The following ADGRB3 variants were observed in gnomAD, a reference collection of about 807,000 sequenced individuals.
ADGRB3 encodes adhesion G protein-coupled receptor B3.
Under a neutral mutation model 193.4 loss-of-function variants are expected in ADGRB3, and 37 were observed. The observed-to-expected ratio is 0.19, with a 90% CI of 0.15 to 0.25. ADGRB3 has a LOEUF of 0.25. Ranked by LOEUF, ADGRB3 falls within the 10% of genes least tolerant of loss-of-function variation. The pLI is 1.00. For synonymous variants in ADGRB3, 690 were observed against 644.2 expected, an observed-to-expected ratio of 1.07 and a Z score of -1.08; for missense variants, 1,637 against 1,852.9, an observed-to-expected ratio of 0.88 and a Z score of 2.14.
At chr6:69,307,167 A>T (rs1056723251) in intron 20 of ADGRB3, among the ~76,000 whole-genome samples, 1 of 151,380 alleles carries the variant, frequency 6.6e-6, no homozygotes, top group African/African-American at 2.4e-5. Flanking sequence ...TTGCATTCTC[A>T]GTAACTGCTC....
At chr6:68,654,388 A>G (rs978451493) in intron 3 of ADGRB3, among the ~76,000 whole-genome samples, 4 of 152,144 alleles carry the variant, frequency 2.6e-5, no homozygotes, top group Admixed American at 2.0e-4. Context: ...AGTTTGGATT[A>G]TGATATGCTC....
chr6:69,281,426 T>C (rs556635994), intron 20 of ADGRB3, among the ~76,000 whole-genome samples: 1 of 152,224 alleles, frequency 6.6e-6, no homozygotes, highest in African/African-American at 2.4e-5. Context: ...TGAGAGACCC[T>C]TAAACAATTT....
At chr6:68,832,555 T>C (rs1767975943) in intron 3 of ADGRB3, among the ~76,000 whole-genome samples, 1 of 152,192 alleles carries the variant, frequency 6.6e-6, no homozygotes, top group South Asian at 2.1e-4. Flanking sequence ...CGTTACTGCC[T>C]TAATTATAAC....
intron 17 of ADGRB3, among the ~76,000 whole-genome samples, chr6:69,229,382 G>A (rs1473470821): frequency 1.3e-5 from 2 of 152,048 alleles, no homozygotes; most frequent in Non-Finnish European, 2.9e-5. Flanking sequence ...GATTTGGAAA[G>A]CAATTACTTT....
chr6:69,097,376 T>A (rs941076559), intron 17 of ADGRB3, among the ~76,000 whole-genome samples: 1 of 152,198 alleles, frequency 6.6e-6, no homozygotes, highest in Non-Finnish European at 1.5e-5. Context: ...ATGAATTAAT[T>A]AACTTTTGCT....
intron 13 of ADGRB3, among the ~76,000 whole-genome samples, chr6:69,028,455 A>T (rs1464458882): frequency 1.3e-5 from 2 of 152,218 alleles, no homozygotes; most frequent in Non-Finnish European, 2.9e-5. Context: ...TACAAATGTT[A>T]TGTGTAATAG....
chr6:68,677,288 C>T (rs1769116305), intron 3 of ADGRB3, among the ~76,000 whole-genome samples: 3 of 152,114 alleles, frequency 2.0e-5, no homozygotes, highest in Admixed American at 2.0e-4. Context: ...GTCCTCAGTG[C>T]ATTTATACTG....
intron 3 of ADGRB3, among the ~76,000 whole-genome samples, chr6:68,697,483 A>G (rs1017878244): frequency 2.0e-5 from 3 of 151,864 alleles, no homozygotes; most frequent in African/African-American, 4.8e-5. Flanking sequence ...TCTCTCTTCT[A>G]TTGCAGGAGG....
chr6:68,728,331 A>G (rs1765710271), intron 3 of ADGRB3, among the ~76,000 whole-genome samples: 1 of 151,390 alleles, frequency 6.6e-6, no homozygotes, highest in South Asian at 2.1e-4. Context: ...CCATATCTAG[A>G]TTTATGTATG....
intron 17 of ADGRB3, among the ~76,000 whole-genome samples, chr6:69,174,032 A>G (rs1775358507): frequency 6.6e-6 from 1 of 151,218 alleles, no homozygotes. Context: ...TAAAGTAGTA[A>G]AACCCTCATT....
chr6:68,698,681 T>A (rs1054076072), intron 3 of ADGRB3, among the ~76,000 whole-genome samples: 2 of 152,080 alleles, frequency 1.3e-5, no homozygotes, highest in Non-Finnish European at 2.9e-5. Context: ...AGAACATGGT[T>A]ATTGATAATG....
chr6:69,122,463 A>C (rs1255500307), intron 17 of ADGRB3, among the ~76,000 whole-genome samples: 51 of 51,594 alleles, frequency 9.9e-4, no homozygotes, highest in African/African-American at 3.9e-3. Context: ...GATAAGGGAG[A>C]GGGAGAGGGG....
chr6:69,353,564 A>C (rs769243230), intron 26 of ADGRB3, among the ~76,000 whole-genome samples: 2 of 152,238 alleles, frequency 1.3e-5, no homozygotes, highest in Non-Finnish European at 2.9e-5. Flanking sequence ...ATAATGCCAT[A>C]GCAAATAGTA....
At position 68,677,146 on chromosome 6, in the gene ADGRB3, G is replaced by A. The variant is rs149439563; in HGVS notation, c.757+37714G>A. ...ATACGTACTATATTGGCGAGGTTCC[G>A]TTGTTTATTTTATTCAGATATTTGT... On this transcript the variant is annotated intron_variant, in intron 3 of 31. Transcript: ENST00000370598. Among the ~76,000 whole-genome samples the A allele has an allele frequency of 3.2e-3, 489 of 152,202 alleles. 4 individuals are homozygous for A. Among genetic ancestry groups the A allele is most frequent in the African/African-American group, 0.011 (472 of 41,550 alleles).
At chr6:68,859,043 C>G (rs1249743238) in intron 3 of ADGRB3, among the ~76,000 whole-genome samples, 1 of 150,914 alleles carries the variant, frequency 6.6e-6, no homozygotes, top group Admixed American at 6.6e-5. Flanking sequence ...AGTTTGCAAA[C>G]TTTTGTGCTC....
At chr6:69,044,986 T>C (rs1000644951) in intron 13 of ADGRB3, among the ~76,000 whole-genome samples, 1 of 152,230 alleles carries the variant, frequency 6.6e-6, no homozygotes, top group African/African-American at 2.4e-5. Context: ...TATGCACTTA[T>C]GCTTTTTATT....
chr6:68,990,753 G>A (rs1029263517), intron 10 of ADGRB3, among the ~76,000 whole-genome samples: 1 of 152,094 alleles, frequency 6.6e-6, no homozygotes, highest in Non-Finnish European at 1.5e-5. Flanking sequence ...TCCCTCACAG[G>A]CACAGGTATG....
At chr6:69,014,193 A>G (rs1770023634) in intron 12 of ADGRB3, 87 bp downstream of exon 12, 1 of 965,746 alleles carries the variant, frequency 1.0e-6, no homozygotes, top group Admixed American at 2.5e-5. Context: ...CTATTTCAGG[A>G]AAACAAGATA....
At chr6:68,965,355 G>A (rs2880587) in intron 8 of ADGRB3, among the ~76,000 whole-genome samples, 51,742 of 151,930 alleles carry the variant, frequency 0.34, 9,080 homozygotes, top group East Asian at 0.59. Flanking sequence ...ATTTTCCTCT[G>A]CATCCTCCAG....
Sources: allele counts gnomAD v4.1 joint callset (sites outside exome capture counted in the v4.1 genomes callset), GRCh38; gene constraint gnomAD v4.1.1; transcripts MANE v1.5; gene names NCBI Gene and HGNC (gene_info 2026-07-23, HGNC 2026-07-21).